FGF14: variants seen among roughly 807,000 people sequenced by gnomAD.
FGF14 encodes fibroblast growth factor 14.
Under a neutral mutation model 25.5 loss-of-function variants are expected in FGF14, and 5 were observed. The observed-to-expected ratio is 0.20, with a 90% confidence interval of 0.10 to 0.41. The LOEUF (loss-of-function observed/expected upper bound fraction) is 0.41, where lower values mean the gene tolerates loss of function less well. Among genes scored for constraint, FGF14 ranks in the 10% least tolerant of loss-of-function variants. The pLI, the probability that FGF14 is intolerant of heterozygous loss-of-function variation, is 1.00. For synonymous variants in FGF14, 138 were observed against 118.3 expected, an observed-to-expected ratio of 1.17 and a Z score of -1.08; for missense variants, 222 against 320.1, an observed-to-expected ratio of 0.69 and a Z score of 2.34.
intron 1 of FGF14, among the ~76,000 whole-genome samples, chr13:101,988,776 C>A (rs1363032265): frequency 6.6e-6 from 1 of 151,778 alleles, no homozygotes; most frequent in Non-Finnish European, 1.5e-5. Context: ...TTAATGGGTG[C>A]AGCACACGAA....
chr13:102,373,576 G>A (rs1294730118), intron 1 of FGF14: 1 of 152,132 alleles, frequency 6.6e-6, no homozygotes, highest in Non-Finnish European at 1.5e-5. Context: ...CAAAAGTGCT[G>A]CAATGCTACT....
intron 3 of FGF14, among the ~76,000 whole-genome samples, chr13:101,820,506 A>C (rs2042060711): frequency 6.6e-6 from 1 of 152,204 alleles, no homozygotes; most frequent in African/African-American, 2.4e-5. Flanking sequence ...CAAAGTCATA[A>C]TTAACATTTA....
intron 1 of FGF14, among the ~76,000 whole-genome samples, chr13:102,285,370 T>G (rs1180614490): frequency 6.6e-6 from 1 of 152,180 alleles, no homozygotes; most frequent in Non-Finnish European, 1.5e-5. Flanking sequence ...AAAACTCACT[T>G]TCTTGGAATG....
chr13:101,805,904 A>G (rs1053014699), intron 3 of FGF14, among the ~76,000 whole-genome samples: 3 of 152,100 alleles, frequency 2.0e-5, no homozygotes, highest in Non-Finnish European at 4.4e-5. Flanking sequence ...CAAATTCATC[A>G]GTTTTTATTA....
chr13:102,319,048 T>C (rs2056143473), intron 1 of FGF14, among the ~76,000 whole-genome samples: 1 of 152,178 alleles, frequency 6.6e-6, no homozygotes, highest in Non-Finnish European at 1.5e-5. Context: ...CTGAGGCTGC[T>C]TGCTGAAAGA....
intron 3 of FGF14, among the ~76,000 whole-genome samples, chr13:101,768,880 G>A (rs531374666): frequency 1.3e-5 from 2 of 152,206 alleles, no homozygotes; most frequent in Admixed American, 1.3e-4. Flanking sequence ...GGTAACCTAT[G>A]AGAAAATCTA....
chr13:102,055,381 CT>C (rs1356416516), intron 1 of FGF14, among the ~76,000 whole-genome samples: 1 of 152,212 alleles, frequency 6.6e-6, no homozygotes, highest in Non-Finnish European at 1.5e-5. Context: ...GGATTAATCT[CT>C]GTCTCTTTGT....
rs73564281 is a variant in FGF14 at position 101,714,381 on chromosome 13, C to T, written c.*8450G>A. On this transcript the variant is annotated 3_prime_UTR_variant, in exon 5 of 5. Transcript: ENST00000376143. ...GTCAGTGTGTCAACGATATTCTATT[C>T]GAGATGGAAACCTTTAGTTATAAGG... 2.5e-5 allele frequency: 25 copies of T among 981,268 alleles called. No individual in the cohort carries two copies. In the African/African-American group the frequency reaches 2.9e-4, roughly 11 times the overall value. The allele number at this position is 981,268 out of a possible 1,614,324, so 60.8% of individuals were successfully genotyped here.
At chr13:102,109,479 C>G (rs1338505844) in intron 1 of FGF14, among the ~76,000 whole-genome samples, 1 of 151,996 alleles carries the variant, frequency 6.6e-6, no homozygotes. Context: ...TTTTGCCATT[C>G]TATAATGTGT....
chr13:101,914,980 G>C (rs1459174774), intron 1 of FGF14, among the ~76,000 whole-genome samples: 2 of 152,150 alleles, frequency 1.3e-5, no homozygotes, highest in African/African-American at 4.8e-5. Context: ...GCTGAATAAG[G>C]CTCTAGGCTA....
At chr13:102,370,268 A>G (rs551141125) in intron 1 of FGF14, among the ~76,000 whole-genome samples, 11 of 152,258 alleles carry the variant, frequency 7.2e-5, no homozygotes, top group African/African-American at 2.6e-4. Flanking sequence ...TGGGATTACA[A>G]TTGTGGGCCA....
rs919106911 is a variant in FGF14, at chr13:102,123,320, T to C, written c.209-248024A>G. The stretch of plus-strand genomic sequence containing the variant: ...ACTTTGCTAAGTAAAATTACAAAGA[T>C]GGTAGAAAGAAGAATGCAAGGTTAA... On this transcript the variant is annotated intron_variant, in intron 1 of 4. Transcript: ENST00000376131. Among the ~76,000 whole-genome samples, 11 of 152,196 alleles carry C rather than the reference T, an allele frequency of 7.2e-5. No homozygotes were observed. In the East Asian group the frequency reaches 1.5e-3, roughly 21 times the overall value.
At chr13:102,372,668 T>G (rs1332201430) in intron 1 of FGF14, among the ~76,000 whole-genome samples, 2 of 152,156 alleles carry the variant, frequency 1.3e-5, no homozygotes. Context: ...GAATAGTTTT[T>G]TTTTTATAAA....
In FGF14 at chr13:102,069,329, C is replaced by A. The variant is rs574181082; in HGVS notation, c.209-194033G>T. On this transcript the variant is annotated intron_variant, in intron 1 of 4. Transcript: ENST00000376131. ...GGGATTGTAAACGCACCAATCAGCG[C>A]CCTGTCAAAAAAGGCCACTCGGCTC... is the stretch of plus-strand genomic sequence containing the variant. Among the ~76,000 whole-genome samples the A allele has an allele frequency of 7.9e-5, 12 of 152,232 alleles. No homozygotes were observed. The South Asian group carries it at 2.3e-3, about 29-fold the overall frequency.
intron 1 of FGF14, among the ~76,000 whole-genome samples, chr13:101,884,031 C>A (rs1191981829): frequency 5.8e-5 from 7 of 119,902 alleles, no homozygotes; most frequent in Non-Finnish European, 1.0e-4. Flanking sequence ...CCACTGCACT[C>A]CAGCCTGGGC....
intron 1 of FGF14, among the ~76,000 whole-genome samples, chr13:102,052,413 A>G (rs907825630): frequency 2.0e-5 from 3 of 152,014 alleles, no homozygotes; most frequent in Non-Finnish European, 4.4e-5. Flanking sequence ...CAATCTAAAC[A>G]AGACTATACC....
intron 1 of FGF14, among the ~76,000 whole-genome samples, chr13:102,058,252 C>T (rs1380352012): frequency 6.6e-6 from 1 of 152,154 alleles, no homozygotes. Context: ...ATTTTATTAA[C>T]AATCTCTTTG....
At chr13:102,046,421 T>G (rs1410846551) in intron 1 of FGF14, among the ~76,000 whole-genome samples, 1 of 152,130 alleles carries the variant, frequency 6.6e-6, no homozygotes, top group African/African-American at 2.4e-5. Context: ...AGCTCTCACA[T>G]GTTATTACTA....
rs76277096 is a variant in FGF14 at position 102,392,664 on chromosome 13, T to C, written c.208+8807A>G. Among the ~76,000 whole-genome samples, 858 of 152,264 alleles carry C rather than the reference T, an allele frequency of 5.6e-3. 23 individuals are homozygous for C. Among genetic ancestry groups the C allele is most frequent in the East Asian group, 0.044 (227 of 5,176 alleles). ...GTTGGCAAATGGCCAGAAGACTAGCTCACCAGAACTGTCCAAATCAAAAAC... is the reference window on the plus strand; with the variant it reads ...GTTGGCAAATGGCCAGAAGACTAGCCCACCAGAACTGTCCAAATCAAAAAC... On this transcript the variant is annotated intron_variant, in intron 1 of 4. Coordinates refer to the FGF14 transcript ENST00000376131.
Sources: gnomAD v4.1 joint callset for allele counts (sites outside exome capture counted in the v4.1 genomes callset) on GRCh38, gnomAD v4.1.1 for gene constraint, MANE v1.5 for transcripts, NCBI Gene and HGNC (gene_info 2026-07-23, HGNC 2026-07-21) for gene names.